The following TRIM8 variants were observed in gnomAD, a reference collection of about 807,000 sequenced individuals.
TRIM8 encodes E3 ubiquitin-protein ligase TRIM8.
TRIM8 carries 9 observed loss-of-function variants against 55.7 expected under a neutral mutation model. That is an observed-to-expected ratio of 0.16 (90% CI 0.10 to 0.28). TRIM8 has a LOEUF of 0.28. Among genes scored for constraint, TRIM8 ranks in the 10% least tolerant of loss-of-function variants. The pLI is 1.00. For synonymous variants in TRIM8, 335 were observed against 333.3 expected (o/e 1.01, Z -0.06); for missense variants, 556 against 736.4 (o/e 0.76, Z 2.83).
At chr10:102,648,061 C>CA (rs1341189695) in intron 1 of TRIM8, among the ~76,000 whole-genome samples, 1 of 152,200 alleles carries the variant, frequency 6.6e-6, no homozygotes. Flanking sequence ...CCTGGATACT[C>CA]ACTGGATGAT....
chr10:102,654,983 G>A lies in TRIM8; in HGVS notation c.667-97G>A, dbSNP rs1183328281. 3 of 1,405,298 alleles carry A rather than the reference G, an allele frequency of 2.1e-6. No homozygotes were observed. The African/African-American group carries it at 4.3e-5, about 20-fold the overall frequency. 87.1% of individuals were successfully genotyped at this position (1,405,298 alleles called of 1,614,324 possible). A position where few individuals can be genotyped will look rare whatever the true frequency, so the allele number is the denominator to read the frequency against. On this transcript the variant is annotated intron_variant, in intron 2 of 5. Transcript: ENST00000643721. ...CCTTGGGAGCCTGGGGCAGCCTGGT[G>A]ACTTAGGGTTCTAGGATGTGAGAAG... is the stretch of plus-strand genomic sequence containing the variant.
In TRIM8 at chr10:102,658,240, G is replaced by A. The variant is rs1456233508; in HGVS notation, c.*886G>A. 1 of 152,210 alleles carries A rather than the reference G, an allele frequency of 6.6e-6. No homozygotes were observed. The highest frequency in any genetic ancestry group is 1.5e-5 in the Non-Finnish European group (1 of 68,048). 9.4% of individuals were successfully genotyped at this position (152,210 alleles called of 1,614,324 possible). ...TGAATCGTGGACTTCCTGTTCTCAA[G>A]GCGCAGGTATTTATTCTGTATCTGT... On this transcript the variant is annotated 3_prime_UTR_variant, in exon 6 of 6. Coordinates refer to ENST00000643721, the MANE Select transcript of TRIM8 (RefSeq NM_030912.3).
At chr10:102,653,076 G>A (rs1390702481) in intron 1 of TRIM8, among the ~76,000 whole-genome samples, 1 of 152,206 alleles carries the variant, frequency 6.6e-6, no homozygotes, top group African/African-American at 2.4e-5. Flanking sequence ...TGGGATTACA[G>A]GCATGAGCCA....
In TRIM8 at chr10:102,656,005, C is replaced by A; in HGVS notation, c.901-101C>A. On this transcript the variant is annotated intron_variant, in intron 3 of 5. Transcript: ENST00000643721. This position sits in a 1 kb window ranked among gnomAD's most constrained non-coding sequence, Gnocchi z 4.6. The stretch of plus-strand genomic sequence containing the variant: ...GTCCAGAATGAGAGGATCCACCCAG[C>A]CTGGGGGAGGCTCAGGGGGGGCAGC... The A allele has an allele frequency of 6.4e-7, 1 of 1,566,516 alleles. No homozygotes were observed. The highest frequency in any genetic ancestry group is 8.8e-7 in the Non-Finnish European group (1 of 1,137,724).
At chr10:102,652,958 C>T (rs1030530025) in intron 1 of TRIM8, among the ~76,000 whole-genome samples, 5 of 152,140 alleles carry the variant, frequency 3.3e-5, no homozygotes, top group Admixed American at 2.6e-4. Flanking sequence ...CATGCACCAC[C>T]TTGCCCAGCT....
intron 2 of TRIM8, 29 bp downstream of exon 2, chr10:102,654,777 G>A (rs747180024): frequency 1.3e-6 from 2 of 1,569,606 alleles, no homozygotes; most frequent in Admixed American, 1.7e-5. Context: ...ATGCTGCGGG[G>A]TGGGGGTGGC....
chr10:102,651,670 C>T (rs1030928272), intron 1 of TRIM8, among the ~76,000 whole-genome samples: 2 of 152,220 alleles, frequency 1.3e-5, no homozygotes, highest in African/African-American at 4.8e-5. Flanking sequence ...AGGGATCAGC[C>T]TGGACTCTGA....
At chr10:102,654,205 C>A (rs760878084) in intron 1 of TRIM8, 18 of 158,394 alleles carry the variant, frequency 1.1e-4, no homozygotes, top group Admixed American at 4.3e-4. Flanking sequence ...GAGGCCGAGG[C>A]GGGCAGATCA....
Position 102,656,602 on chromosome 10 carries a change from C to T in TRIM8, c.1049-145C>T. 1.5e-6 allele frequency: 2 copies of T among 1,369,654 alleles called. No homozygotes were observed. Among genetic ancestry groups the T allele is most frequent in the Non-Finnish European group, 2.0e-6 (2 of 1,014,464 alleles). 84.8% of individuals were successfully genotyped at this position (1,369,654 alleles called of 1,614,324 possible). ...GTGGGGATATAACTATTCTGTACCT[C>T]CTAATGGTAGAGGAGCAAGCATCAC... On this transcript the variant is annotated intron_variant, in intron 5 of 5. Coordinates refer to ENST00000643721, the MANE Select transcript of TRIM8 (RefSeq NM_030912.3). The surrounding 1 kb of genome is among the most constrained non-coding windows in gnomAD (Gnocchi z 4.6).
chr10:102,655,963 T>C (rs4274160), intron 3 of TRIM8, 143 bp from the exon 4 acceptor site: 1,190,287 of 1,190,862 alleles, frequency 1, 594,858 homozygotes, highest in East Asian at 1. Context: ...TGGCCACCCC[T>C]ACCCCTGCCA....
Position 102,650,718 on chromosome 10 carries a change from G to A in TRIM8, c.571-3935G>A, listed in dbSNP as rs182796645. 1.2e-4 allele frequency among the ~76,000 whole-genome samples: 19 copies of A among 152,310 alleles called. No individual in the cohort carries two copies. The East Asian group carries it at 2.9e-3, about 23-fold the overall frequency. Reference sequence around the variant, plus strand: ...CTGAACTGAGCTGGGAAATCTGGTCGGATCTCAGCTATGGGTTTTTCCCAG... The same window carrying A: ...CTGAACTGAGCTGGGAAATCTGGTCAGATCTCAGCTATGGGTTTTTCCCAG... On this transcript the variant is annotated intron_variant, in intron 1 of 5. Coordinates refer to ENST00000643721, the MANE Select transcript of TRIM8 (RefSeq NM_030912.3).
At chr10:102,654,962 G>A in intron 2 of TRIM8, 118 bp from the exon 3 acceptor site, 1 of 1,244,710 alleles carries the variant, frequency 8.0e-7, no homozygotes, top group South Asian at 1.3e-5. Flanking sequence ...CCTTGCCCTT[G>A]GGAGCCTGGG....
Position 102,657,481 on chromosome 10 carries a change from CTT to C in TRIM8, c.*130_*131del. 4 of 1,205,354 alleles carry C rather than the reference CTT, an allele frequency of 3.3e-6. No individual in the cohort carries two copies. Among genetic ancestry groups the C allele is most frequent in the Non-Finnish European group, 4.5e-6 (4 of 890,874 alleles). The allele number at this position is 1,205,354 out of a possible 1,614,324, so 74.7% of individuals were successfully genotyped here. On this transcript the variant is annotated 3_prime_UTR_variant, in exon 6 of 6. Coordinates refer to ENST00000643721, the MANE Select transcript of TRIM8 (RefSeq NM_030912.3). Reference sequence around the variant, plus strand: ...TCTTCCTCATTCCATTGCCCCAGGTCTTTTCCTTTTGGATTTTGTTTTGGTTT... The same window carrying C: ...TCTTCCTCATTCCATTGCCCCAGGTCTTCCTTTTGGATTTTGTTTTGGTTT...
In TRIM8 at chr10:102,657,642, CTG is replaced by C. The variant is rs1490008833; in HGVS notation, c.*290_*291del. 3.1e-6 allele frequency: 1 copy of C among 327,188 alleles called. No homozygotes were observed. 20.3% of individuals were successfully genotyped at this position (327,188 alleles called of 1,614,324 possible). A position where few individuals can be genotyped will look rare whatever the true frequency, so the allele number is the denominator to read the frequency against. ...TGTGTCGAGGCGCTGAGCTCTCTCT[CTG>C]TTTCTCCTTTTTTCCTCTACTCCTT... On this transcript the variant is annotated 3_prime_UTR_variant, in exon 6 of 6. Coordinates refer to ENST00000643721, the MANE Select transcript of TRIM8 (RefSeq NM_030912.3).
At chr10:102,650,255 G>A (rs964164664) in intron 1 of TRIM8, among the ~76,000 whole-genome samples, 1 of 152,214 alleles carries the variant, frequency 6.6e-6, no homozygotes, top group Non-Finnish European at 1.5e-5. Flanking sequence ...AGCTGGCCTG[G>A]CCAGTCAGTC....
chr10:102,646,906 C>G (rs567735718), intron 1 of TRIM8, among the ~76,000 whole-genome samples: 2 of 152,314 alleles, frequency 1.3e-5, no homozygotes, highest in East Asian at 3.9e-4. Flanking sequence ...GATGCCTGCC[C>G]GCACCCACAG....
chr10:102,653,889 C>G (rs2064003588), intron 1 of TRIM8: 1 of 152,258 alleles, frequency 6.6e-6, no homozygotes, highest in South Asian at 2.1e-4. Context: ...CAGGGAGAGG[C>G]AGCACAGCCT....
At chr10:102,648,594 T>A (rs751590693) in intron 1 of TRIM8, among the ~76,000 whole-genome samples, 3 of 151,858 alleles carry the variant, frequency 2.0e-5, no homozygotes, top group Non-Finnish European at 4.4e-5. Context: ...GCTGGAGGGG[T>A]CACCCTGAGA....
At chr10:102,649,033 G>GGTGT (rs58956109) in intron 1 of TRIM8, among the ~76,000 whole-genome samples, 39,860 of 151,022 alleles carry the variant, frequency 0.26, 5,404 homozygotes, top group East Asian at 0.41. Flanking sequence ...TCTGTCTGCA[G>GGTGT]GTGTGTGTGT....
Sources: gnomAD v4.1 joint callset for allele counts (sites outside exome capture counted in the v4.1 genomes callset) on GRCh38, gnomAD v4.1.1 for gene constraint, Gnocchi (gnomAD v3.1) non-coding constraint, MANE v1.5 for transcripts, NCBI Gene and HGNC (gene_info 2026-07-23, HGNC 2026-07-21) for gene names.